The following ANKRD36C variants were observed in gnomAD, a reference collection of about 807,000 sequenced individuals.
The protein encoded by ANKRD36C is ankyrin repeat domain-containing protein 36C.
In ANKRD36C, 61 loss-of-function variants were observed where a neutral mutation model predicts 276.4. The observed-to-expected ratio is 0.22, with a 90% CI of 0.18 to 0.27. The LOEUF (loss-of-function observed/expected upper bound fraction) is 0.27. ANKRD36C is among the 10% of genes least tolerant of loss of function. The probability of loss-of-function intolerance (pLI) is 1.00; values close to 1 mark genes in which losing one functional copy is unlikely to be tolerated. For synonymous variants in ANKRD36C, 483 were observed against 680.1 expected (o/e 0.71, Z 4.51); for missense variants, 1,447 against 2,032.3 (o/e 0.71, Z 5.54).
rs539784244 is a variant in ANKRD36C at position 95,884,404 on chromosome 2, C to G, written c.3164-36G>C. 9.3e-6 allele frequency: 15 copies of G among 1,610,380 alleles called. No homozygotes were observed. The African/African-American group carries it at 1.6e-4, about 17-fold the overall frequency. On this transcript the variant is annotated intron_variant, in intron 52 of 66. Transcript: ENST00000456556. ...AAAGGGATACATAATCACCCACATG[C>G]ACGTATGATAAAGTTATTCATACAT...
chr2:95,884,896 C>T (rs1676167412), intron 52 of ANKRD36C, among the ~76,000 whole-genome samples: 1 of 151,848 alleles, frequency 6.6e-6, no homozygotes, highest in Admixed American at 6.6e-5. Context: ...AAATTGATCA[C>T]CTTGGATATC....
chr2:95,895,689 G>A, intron 44 of ANKRD36C, 99 bp from the exon 61 acceptor site: 1 of 1,540,156 alleles, frequency 6.5e-7, no homozygotes, highest in East Asian at 2.4e-5. Context: ...CCTCCTGCCT[G>A]TATTAGTGGA....
At chr2:95,849,676 A>G (rs532934877), downstream of ANKRD36C, among the ~76,000 whole-genome samples, 1 of 152,392 alleles carries the variant, frequency 6.6e-6, no homozygotes, top group South Asian at 2.1e-4. Flanking sequence ...AGATGGTCCC[A>G]TCGTGAAGAG....
At chr2:95,945,578 C>A (rs1271156920) in intron 17 of ANKRD36C, among the ~76,000 whole-genome samples, 1 of 151,972 alleles carries the variant, frequency 6.6e-6, no homozygotes, top group Non-Finnish European at 1.5e-5. Flanking sequence ...GTGTGAATTA[C>A]TTTCTGCGGG....
intron 40 of ANKRD36C, among the ~76,000 whole-genome samples, chr2:95,913,247 GAGTT>G (rs1421398705): frequency 6.7e-6 from 1 of 149,474 alleles, no homozygotes; most frequent in African/African-American, 2.5e-5. Context: ...ACCATTTTAG[GAGTT>G]AGTTAGAATT....
intron 6 of ANKRD36C, among the ~76,000 whole-genome samples, chr2:95,972,757 GAATA>G (rs1431501120): frequency 6.6e-6 from 1 of 152,074 alleles, no homozygotes; most frequent in African/African-American, 2.4e-5. Flanking sequence ...ATTTCCGCAT[GAATA>G]AATCCATAAA....
At chr2:95,859,137 G>T (rs530435304) in intron 61 of ANKRD36C, among the ~76,000 whole-genome samples, 1 of 151,684 alleles carries the variant, frequency 6.6e-6, no homozygotes, top group Non-Finnish European at 1.5e-5. Context: ...AGGTTCATGC[G>T]ATTCTCCTGC....
intron 19 of ANKRD36C, among the ~76,000 whole-genome samples, chr2:95,942,851 T>C (rs1677931321): frequency 6.6e-6 from 1 of 152,222 alleles, no homozygotes; most frequent in African/African-American, 2.4e-5. Flanking sequence ...CAACTATAAA[T>C]ACTAAAGTTA....
At position 95,987,039 on chromosome 2, in the gene ANKRD36C, A is replaced by G. The variant is rs1679042242; in HGVS notation, c.312+53T>C. The G allele has an allele frequency of 2.8e-6, 4 of 1,441,644 alleles. No homozygotes were observed. The African/African-American group carries it at 6.9e-5, about 25-fold the overall frequency. 89.3% of individuals were successfully genotyped at this position (1,441,644 alleles called of 1,614,324 possible). The stretch of plus-strand genomic sequence containing the variant: ...CAATGAGATAAATTCATTTTATCCT[A>G]TGTACTTCAACCAAATCCATCTCAT... On this transcript the variant is annotated intron_variant, in intron 2 of 66. Coordinates refer to ENST00000456556, the Ensembl canonical transcript of ANKRD36C.
chr2:95,915,724 C>T (rs940210403), intron 38 of ANKRD36C, among the ~76,000 whole-genome samples: 1 of 151,478 alleles, frequency 6.6e-6, no homozygotes, highest in Non-Finnish European at 1.5e-5. Context: ...TGCTGTGCCC[C>T]AGAGCCCCTT....
intron 6 of ANKRD36C, 59 bp downstream of exon 6, chr2:95,978,063 T>C (rs1161008457): frequency 6.9e-6 from 4 of 578,454 alleles, no homozygotes; most frequent in Admixed American, 3.9e-5. Flanking sequence ...TCAAAACATC[T>C]TTATTCTTTT....
At chr2:95,909,344 C>T (rs1395196555) in intron 42 of ANKRD36C, among the ~76,000 whole-genome samples, 1 of 73,410 alleles carries the variant, frequency 1.4e-5, no homozygotes, top group African/African-American at 5.5e-5. Context: ...AAAGTTTCTT[C>T]ATCCAGTCGT....
At chr2:95,943,479 G>A (rs1291450581) in intron 19 of ANKRD36C, among the ~76,000 whole-genome samples, 2 of 127,100 alleles carry the variant, frequency 1.6e-5, no homozygotes, top group Non-Finnish European at 3.5e-5. Flanking sequence ...GCGAGACTCC[G>A]TCTCAAAAAA....
chr2:95,851,717 T>C lies in ANKRD36C; in HGVS notation c.5290A>G (p.Lys1764Glu), dbSNP rs755728842. ...ACCAAACTTGAATGCTGCAGGATTT[T>C]CTCAAACCGCTCAATTTGTTCATCC... is the stretch of plus-strand genomic sequence containing the variant. The change falls in exon 66 of 67, where the codon AAA becomes GAA. Residue 1764 changes from lysine to glutamate, a missense_variant. Physicochemically the swap from Lys to Glu is moderately conservative, Grantham distance 56 (BLOSUM62 1). Around this residue, in one of 13 missense-constraint regions of ANKRD36C, gnomAD observed 437 missense variants for 641.0 expected, o/e 0.68. Transcript: ENST00000456556. 3 of 1,520,094 alleles carry C rather than the reference T, an allele frequency of 2.0e-6. No homozygotes were observed. The South Asian group carries it at 3.6e-5, about 18-fold the overall frequency. The allele number at this position is 1,520,094 out of a possible 1,614,324, so 94.2% of individuals were successfully genotyped here. A position where few individuals can be genotyped will look rare whatever the true frequency, so the allele number is the denominator to read the frequency against.
chr2:95,952,683 C>T (rs1356918435), intron 14 of ANKRD36C, among the ~76,000 whole-genome samples: 2 of 152,358 alleles, frequency 1.3e-5, no homozygotes, highest in Non-Finnish European at 1.5e-5. Flanking sequence ...CTCACCTCAA[C>T]TTATACATTC....
intron 12 of ANKRD36C, among the ~76,000 whole-genome samples, chr2:95,957,553 C>T (rs908262318): frequency 6.6e-6 from 1 of 152,292 alleles, no homozygotes; most frequent in Admixed American, 6.5e-5. Context: ...AAACTTTTGT[C>T]AGTAACTCAT....
chr2:95,958,256 A>C (rs1002484629), intron 12 of ANKRD36C, among the ~76,000 whole-genome samples: 2 of 151,924 alleles, frequency 1.3e-5, no homozygotes, highest in African/African-American at 4.8e-5. Flanking sequence ...TACAATTTCT[A>C]GTACTTCATC....
intron 42 of ANKRD36C, 100 bp downstream of exon 44, chr2:95,912,144 T>C: frequency 1.4e-6 from 2 of 1,469,104 alleles, no homozygotes; most frequent in Non-Finnish European, 1.8e-6. Context: ...GCCTGCTGAA[T>C]CAGAATGTGC....
chr2:95,868,102 TCACTTAATTC>T (rs1675718940), intron 59 of ANKRD36C, among the ~76,000 whole-genome samples: 1 of 151,046 alleles, frequency 6.6e-6, no homozygotes, highest in Non-Finnish European at 1.5e-5. Context: ...TTTGCATATA[TCACTTAATTC>T]CACTTCTAGA....
Sources: allele counts gnomAD v4.1 joint callset (sites outside exome capture counted in the v4.1 genomes callset), GRCh38; gene constraint gnomAD v4.1.1; regional missense constraint gnomAD v4.1.1; transcripts MANE v1.5; gene names NCBI Gene and HGNC (gene_info 2026-07-23, HGNC 2026-07-21).